LRBA: variants seen among roughly 807,000 people sequenced by gnomAD.
The protein encoded by LRBA is LPS responsive beige-like anchor protein.
LRBA carries 176 observed loss-of-function variants against 330.0 expected under a neutral mutation model. The ratio of observed to expected loss-of-function variants is 0.53; its 90% CI spans 0.47 to 0.60. The LOEUF (loss-of-function observed/expected upper bound fraction) is 0.60. LRBA is among the 20% of genes least tolerant of loss of function. The pLI, the probability that LRBA is intolerant of heterozygous loss-of-function variation, is 0.00. For missense variants in LRBA, 3,259 were observed against 3,444.8 expected, an observed-to-expected ratio of 0.95 and a Z score of 1.35; for synonymous variants, 1,230 against 1,193.0, an observed-to-expected ratio of 1.03 and a Z score of -0.64.
chr4:150,542,677 GA>G (rs1416444711), intron 40 of LRBA, among the ~76,000 whole-genome samples: 6 of 152,114 alleles, frequency 3.9e-5, no homozygotes, highest in Non-Finnish European at 7.4e-5. Flanking sequence ...ACAAAGCAAT[GA>G]AAATATTTAT....
chr4:150,488,415 A>C (rs1380755520), intron 41 of LRBA, among the ~76,000 whole-genome samples: 1 of 151,670 alleles, frequency 6.6e-6, no homozygotes, highest in African/African-American at 2.4e-5. Flanking sequence ...ATCCAAAACA[A>C]TGTGTGATCT....
At chr4:150,892,174 G>C (rs1215427130) in intron 17 of LRBA, among the ~76,000 whole-genome samples, 1 of 152,188 alleles carries the variant, frequency 6.6e-6, no homozygotes, top group African/African-American at 2.4e-5. Flanking sequence ...AGCAAAACTA[G>C]TTGCTAAACT....
chr4:150,897,091 CT>C (rs974591674), intron 15 of LRBA, among the ~76,000 whole-genome samples: 2 of 151,092 alleles, frequency 1.3e-5, no homozygotes, highest in Non-Finnish European at 1.5e-5. Flanking sequence ...TCAAAGGACA[CT>C]TTTTTTAATA....
intron 40 of LRBA, among the ~76,000 whole-genome samples, chr4:150,559,668 T>TA (rs1424680521): frequency 3.5e-5 from 3 of 86,636 alleles, no homozygotes; most frequent in African/African-American, 9.5e-5. Context: ...TTATAATATA[T>TA]ATATTATATA....
rs74514053 is a variant in LRBA at position 150,576,372 on chromosome 4, C to T, written c.6330+11676G>A. On this transcript the variant is annotated intron_variant, in intron 40 of 56. Transcript: ENST00000651943. The stretch of plus-strand genomic sequence containing the variant: ...TCTTGGTAAGGTCAAAAGACATATG[C>T]CAATATAAGTGTGAATATAGCAAGT... 5.8e-3 allele frequency among the ~76,000 whole-genome samples: 878 copies of T among 151,824 alleles called. 7 individuals are homozygous for T. Among genetic ancestry groups the T allele is most frequent in the African/African-American group, 0.02 (829 of 41,482 alleles).
At chr4:150,662,633 A>G (rs1781222910) in intron 37 of LRBA, among the ~76,000 whole-genome samples, 1 of 152,214 alleles carries the variant, frequency 6.6e-6, no homozygotes, top group Admixed American at 6.5e-5. Flanking sequence ...TAAGATAAGA[A>G]CACTATTGGA....
chr4:150,489,427 CATATAAGAATAT>C (rs1758507056), intron 41 of LRBA, among the ~76,000 whole-genome samples: 1 of 38,554 alleles, frequency 2.6e-5, no homozygotes, highest in Non-Finnish European at 4.8e-5. Flanking sequence ...AAATATATTA[CATATAAGAATAT>C]ATAATATATT....
At chr4:150,362,861 G>A (rs2151846384) in intron 47 of LRBA, among the ~76,000 whole-genome samples, 1 of 152,262 alleles carries the variant, frequency 6.6e-6, no homozygotes, top group African/African-American at 2.4e-5. Flanking sequence ...CAGCACACTG[G>A]GAGGCTGAGG....
chr4:150,965,205 A>T (rs1000029531), intron 2 of LRBA, among the ~76,000 whole-genome samples: 5 of 152,246 alleles, frequency 3.3e-5, no homozygotes, highest in African/African-American at 1.2e-4. Flanking sequence ...AAGTATTATT[A>T]GTAATAACAA....
Position 150,912,600 on chromosome 4 carries a change from A to T in LRBA, c.1161+1595T>A, listed in dbSNP as rs1298748777. On this transcript the variant is annotated intron_variant, in intron 9 of 56. Transcript: ENST00000651943. ...AATGCACTTGAATCATCCCGAAACC[A>T]TCCCTGCTGCGCCCCCACCACCCGT... Among the ~76,000 whole-genome samples, 3 of 152,174 alleles carry T rather than the reference A, an allele frequency of 2.0e-5. No homozygotes were observed. The East Asian group carries it at 5.8e-4, about 29-fold the overall frequency.
intron 28 of LRBA, among the ~76,000 whole-genome samples, chr4:150,834,809 T>G (rs1471095026): frequency 6.6e-6 from 1 of 152,232 alleles, no homozygotes; most frequent in Non-Finnish European, 1.5e-5. Context: ...GGATGGTATC[T>G]TCTTCCAATA....
At chr4:150,890,331 T>C (rs1348789346) in intron 17 of LRBA, among the ~76,000 whole-genome samples, 1 of 152,198 alleles carries the variant, frequency 6.6e-6, no homozygotes, top group Non-Finnish European at 1.5e-5. Context: ...AGAGTGTGCC[T>C]ACCTAGACTA....
At chr4:150,847,360 A>G (rs1014971250) in intron 26 of LRBA, among the ~76,000 whole-genome samples, 8 of 152,194 alleles carry the variant, frequency 5.3e-5, no homozygotes, top group Admixed American at 2.0e-4. Context: ...CAAGTTACTT[A>G]GAATAGCAAG....
chr4:150,823,199 T>C (rs917514645), intron 30 of LRBA, among the ~76,000 whole-genome samples: 6 of 152,226 alleles, frequency 3.9e-5, no homozygotes, highest in African/African-American at 1.4e-4. Flanking sequence ...ATAAAATCAT[T>C]TGACATTTCT....
chr4:150,489,935 A>T (rs2152102133), intron 41 of LRBA, among the ~76,000 whole-genome samples: 1 of 151,060 alleles, frequency 6.6e-6, no homozygotes, highest in South Asian at 2.1e-4. Context: ...ATATAAAAAC[A>T]AGCATGCATA....
intron 34 of LRBA, among the ~76,000 whole-genome samples, chr4:150,778,623 A>G (rs1737745444): frequency 6.6e-6 from 1 of 152,192 alleles, no homozygotes; most frequent in South Asian, 2.1e-4. Flanking sequence ...ATCTTTCACT[A>G]ATCAATACAG....
intron 37 of LRBA, among the ~76,000 whole-genome samples, chr4:150,662,867 G>A (rs1225100897): frequency 6.6e-6 from 1 of 152,154 alleles, no homozygotes; most frequent in Non-Finnish European, 1.5e-5. Flanking sequence ...TGAGGCAAGA[G>A]AATCATTTGA....
At chr4:150,944,246 G>A (rs935420555) in intron 2 of LRBA, among the ~76,000 whole-genome samples, 2 of 152,128 alleles carry the variant, frequency 1.3e-5, no homozygotes, top group Admixed American at 6.5e-5. Context: ...TACATAACTA[G>A]TACAGTTACA....
chr4:150,885,529 G>A (rs1389405025), intron 17 of LRBA, among the ~76,000 whole-genome samples: 2 of 152,062 alleles, frequency 1.3e-5, no homozygotes, highest in South Asian at 2.1e-4. Context: ...GCTGAGGCAC[G>A]AGAATCACCT....
Sources: allele counts gnomAD v4.1 joint callset (sites outside exome capture counted in the v4.1 genomes callset), GRCh38; gene constraint gnomAD v4.1.1; transcripts MANE v1.5; gene names NCBI Gene and HGNC (gene_info 2026-07-23, HGNC 2026-07-21).